The following RABGEF1 variants were observed in gnomAD, a reference collection of about 807,000 sequenced individuals.
RABGEF1 encodes the protein RAB guanine nucleotide exchange factor 1, also known as rab5 GDP/GTP exchange factor.
RABGEF1 carries 26 observed loss-of-function variants against 57.3 expected under a neutral mutation model. The ratio of observed to expected loss-of-function variants is 0.45; its 90% CI spans 0.33 to 0.63. The LOEUF (loss-of-function observed/expected upper bound fraction) is 0.63, where lower values mean the gene tolerates loss of function less well. Among genes scored for constraint, RABGEF1 ranks in the 20% least tolerant of loss-of-function variants. The pLI, the probability that RABGEF1 is intolerant of heterozygous loss-of-function variation, is 0.02. For missense variants in RABGEF1, 464 were observed against 607.6 expected, an observed-to-expected ratio of 0.76 and a Z score of 2.48; for synonymous variants, 185 against 210.7, an observed-to-expected ratio of 0.88 and a Z score of 1.06.
At chr7:66,716,139 G>A (rs1320403863) in intron 2 of RABGEF1, among the ~76,000 whole-genome samples, 1 of 152,084 alleles carries the variant, frequency 6.6e-6, no homozygotes, top group African/African-American at 2.4e-5. Flanking sequence ...ATTTTAAATG[G>A]TGTTGGGTCT....
At chr7:66,803,520 G>A (rs993728926) in intron 7 of RABGEF1, among the ~76,000 whole-genome samples, 2 of 152,156 alleles carry the variant, frequency 1.3e-5, no homozygotes, top group Admixed American at 6.5e-5. Flanking sequence ...AGCACCCTTC[G>A]CTGTCCCCCA....
chr7:66,737,059 A>AGG (rs1798044343), upstream of RABGEF1, among the ~76,000 whole-genome samples: 1 of 132,802 alleles, frequency 7.5e-6, no homozygotes, highest in African/African-American at 2.7e-5. Context: ...GGGGAGAGAG[A>AGG]GAGAGAGAGA....
chr7:66,717,994 T>C (rs1795594876), intron 2 of RABGEF1, among the ~76,000 whole-genome samples: 1 of 152,244 alleles, frequency 6.6e-6, no homozygotes, highest in African/African-American at 2.4e-5. Context: ...CTTTTTTGTA[T>C]CTTCTATTTT....
At chr7:66,786,467 A>G (rs1464973977) in intron 4 of RABGEF1, among the ~76,000 whole-genome samples, 1 of 152,084 alleles carries the variant, frequency 6.6e-6, no homozygotes, top group African/African-American at 2.4e-5. Flanking sequence ...ACAATAGCGC[A>G]GTTGCTGCTC....
chr7:66,665,710 G>A, the RABGEF1 span, among the ~76,000 whole-genome samples: 10 of 152,164 alleles, frequency 6.6e-5, no homozygotes, highest in Non-Finnish European at 1.0e-4. Context: ...CAAAGGTGAC[G>A]TTCCCTGAGA....
chr7:66,751,280 C>T (rs1801364782), intron 1 of RABGEF1, among the ~76,000 whole-genome samples: 1 of 152,186 alleles, frequency 6.6e-6, no homozygotes, highest in South Asian at 2.1e-4. Flanking sequence ...ATCCGCCTGC[C>T]TCGGCCTCCC....
intron 1 of RABGEF1, among the ~76,000 whole-genome samples, chr7:66,758,003 GA>G (rs1179091268): frequency 1.3e-5 from 2 of 151,954 alleles, no homozygotes; most frequent in Admixed American, 6.6e-5. Context: ...AAATTTAAGG[GA>G]AAAAAATCAC....
intron 1 of RABGEF1, among the ~76,000 whole-genome samples, chr7:66,690,132 C>T (rs1791307526): frequency 1.4e-5 from 2 of 138,876 alleles, no homozygotes; most frequent in African/African-American, 2.7e-5. Context: ...GACGGAGTCT[C>T]GCTGTGTCGC....
the RABGEF1 span, among the ~76,000 whole-genome samples, chr7:66,658,855 C>T: frequency 6.6e-6 from 1 of 152,090 alleles, no homozygotes; most frequent in South Asian, 2.1e-4. Context: ...CCTGCCTCAG[C>T]CTCCCGAGTA....
At chr7:66,677,700 T>G (rs1249957684), upstream of RABGEF1, among the ~76,000 whole-genome samples, 1 of 137,216 alleles carries the variant, frequency 7.3e-6, no homozygotes, top group Non-Finnish European at 1.5e-5. Context: ...AGGGGGAGAA[T>G]GCAGTGAGCT....
the RABGEF1 span, among the ~76,000 whole-genome samples, chr7:66,659,647 T>G: frequency 1.3e-5 from 2 of 151,166 alleles, no homozygotes; most frequent in Non-Finnish European, 3.0e-5. Context: ...GGTTGTGGTG[T>G]TACCCTCCTG....
chr7:66,804,086 A>ATT (rs776154567), intron 7 of RABGEF1, among the ~76,000 whole-genome samples: 28 of 136,926 alleles, frequency 2.0e-4, no homozygotes, highest in Non-Finnish European at 4.2e-4. Flanking sequence ...CAGTAGCTGG[A>ATT]TTTTTTTTTT....
chr7:66,778,240 G>A (rs969987279), intron 3 of RABGEF1, among the ~76,000 whole-genome samples: 6 of 152,142 alleles, frequency 3.9e-5, no homozygotes, highest in African/African-American at 1.4e-4. Flanking sequence ...GCTTCTGTTA[G>A]TAGCATAAAG....
chr7:66,776,727 C>T (rs1273743393), intron 3 of RABGEF1, among the ~76,000 whole-genome samples: 1 of 152,118 alleles, frequency 6.6e-6, no homozygotes, highest in African/African-American at 2.4e-5. Flanking sequence ...AGATTGATTA[C>T]ATGATTAATT....
At chr7:66,762,681 G>A (rs1228740739) in intron 1 of RABGEF1, among the ~76,000 whole-genome samples, 1 of 152,180 alleles carries the variant, frequency 6.6e-6, no homozygotes, top group Non-Finnish European at 1.5e-5. Flanking sequence ...GCCAGCCTGG[G>A]CCAGGTGGTA....
intron 1 of RABGEF1, chr7:66,682,368 G>C (rs1421833044): frequency 1.3e-5 from 2 of 152,902 alleles, no homozygotes; most frequent in Non-Finnish European, 2.9e-5. Flanking sequence ...GTTGCGCGTC[G>C]GTGCCTCCCG....
In RABGEF1 at chr7:66,745,579, T is replaced by C. The variant is rs570594192; in HGVS notation, c.-18+4787T>C. Among the ~76,000 whole-genome samples the C allele has an allele frequency of 1.4e-4, 22 of 152,060 alleles. 1 individual carries two copies. Among genetic ancestry groups the C allele is most frequent in the African/African-American group, 5.3e-4 (22 of 41,472 alleles). On this transcript the variant is annotated intron_variant, in intron 1 of 8. Transcript: ENST00000284957. ...GCCAGGAGTTTGAGACCAGCCTGGATCAAGATGGCAAAACTCCGTCTCTAC... is the reference window on the plus strand; with the variant it reads ...GCCAGGAGTTTGAGACCAGCCTGGACCAAGATGGCAAAACTCCGTCTCTAC...
the RABGEF1 span, among the ~76,000 whole-genome samples, chr7:66,656,560 G>T: frequency 6.6e-6 from 1 of 152,150 alleles, no homozygotes. Flanking sequence ...GGTGGCTCAT[G>T]CCTGTAATCC....
the RABGEF1 span, among the ~76,000 whole-genome samples, chr7:66,654,918 C>T: frequency 6.6e-6 from 1 of 152,264 alleles, no homozygotes; most frequent in African/African-American, 2.4e-5. Flanking sequence ...CCTTGAAGGC[C>T]TGACGCGGAG....
Sources: gnomAD v4.1 joint callset for allele counts (sites outside exome capture counted in the v4.1 genomes callset) on GRCh38, gnomAD v4.1.1 for gene constraint, MANE v1.5 for transcripts, NCBI Gene and HGNC (gene_info 2026-07-23, HGNC 2026-07-21) for gene names.